PIBF1: variants seen among roughly 807,000 people sequenced by gnomAD.
PIBF1 encodes progesterone-induced-blocking factor 1.
In PIBF1, 90 loss-of-function variants were observed where a neutral mutation model predicts 112.5. That is an observed-to-expected ratio of 0.80 (90% CI 0.67 to 0.95). PIBF1 has a LOEUF of 0.95. PIBF1 is among the 40% of genes least tolerant of loss of function. PIBF1 has a pLI of 0.00. For missense variants in PIBF1, 915 were observed against 852.3 expected (o/e 1.07, Z -0.92); for synonymous variants, 301 against 288.6 (o/e 1.04, Z -0.44).
Position 72,923,942 on chromosome 13 carries a change from C to T in PIBF1, c.1730+6776C>T, listed in dbSNP as rs989128669. The stretch of plus-strand genomic sequence containing the variant: ...TCACGCCATTGCACTCCAGCTTGGG[C>T]GACAAGAGCGAAACTCTAACTCAAA... On this transcript the variant is annotated intron_variant, in intron 13 of 17. Coordinates refer to ENST00000326291, the MANE Select transcript of PIBF1 (RefSeq NM_006346.4). 7.8e-4 allele frequency among the ~76,000 whole-genome samples: 119 copies of T among 152,002 alleles called. 7 individuals carry two copies. The highest frequency in any genetic ancestry group is 3.9e-4 in the East Asian group (2 of 5,192).
At chr13:72,798,765 C>T (rs977575990) in intron 5 of PIBF1, among the ~76,000 whole-genome samples, 3 of 152,114 alleles carry the variant, frequency 2.0e-5, no homozygotes, top group African/African-American at 7.2e-5. Flanking sequence ...AAATGGGTGG[C>T]TGTTTTTCTT....
intron 12 of PIBF1, among the ~76,000 whole-genome samples, chr13:72,915,234 C>T (rs918184776): frequency 6.6e-6 from 1 of 152,108 alleles, no homozygotes; most frequent in Non-Finnish European, 1.5e-5. Flanking sequence ...TGCTTCTGCA[C>T]ATGGACTTCT....
chr13:72,865,404 A>C (rs1463267077), intron 10 of PIBF1, among the ~76,000 whole-genome samples: 3 of 152,132 alleles, frequency 2.0e-5, no homozygotes, highest in African/African-American at 7.2e-5. Context: ...TATATAGAGA[A>C]TTTTACATAG....
At chr13:72,996,524 A>G (rs2139020695) in intron 16 of PIBF1, among the ~76,000 whole-genome samples, 1 of 152,320 alleles carries the variant, frequency 6.6e-6, no homozygotes, top group Middle Eastern at 3.4e-3. Context: ...GCAGTGGCTC[A>G]TGCCTATAAT....
At chr13:72,794,471 G>A (rs1014536907) in intron 3 of PIBF1, among the ~76,000 whole-genome samples, 42 of 152,242 alleles carry the variant, frequency 2.8e-4, no homozygotes, top group African/African-American at 9.9e-4. Context: ...TCAGTAATAT[G>A]ATTTGGCTGT....
At chr13:72,798,135 T>C (rs1457179863) in intron 5 of PIBF1, 109 bp downstream of exon 5, 4 of 1,146,638 alleles carry the variant, frequency 3.5e-6, no homozygotes, top group Non-Finnish European at 4.8e-6. Flanking sequence ...AATGGGACTA[T>C]GGGATGGTGA....
chr13:72,864,578 G>A (rs1431590342), intron 10 of PIBF1, among the ~76,000 whole-genome samples: 1 of 152,096 alleles, frequency 6.6e-6, no homozygotes, highest in Admixed American at 6.6e-5. Flanking sequence ...TGTTCATACA[G>A]CTTTCTTTAT....
rs769466344 is a variant in PIBF1 at position 72,921,830 on chromosome 13, A to AATTTTAGAGG, written c.1730+4665_1730+4666insTTTTAGAGGA. Reference sequence around the variant, plus strand: ...ACCTTGATGTGTTTGTTCTTAAAGTAAATTACATAGTTAATTTTAGAGGAA... The same window carrying AATTTTAGAGG: ...ACCTTGATGTGTTTGTTCTTAAAGTAATTTTAGAGGAATTACATAGTTAATTTTAGAGGAA... On this transcript the variant is annotated intron_variant, in intron 13 of 17. Coordinates refer to ENST00000326291, the MANE Select transcript of PIBF1 (RefSeq NM_006346.4). Among the ~76,000 whole-genome samples the AATTTTAGAGG allele has an allele frequency of 8.6e-3, 1,313 of 152,322 alleles. 57 individuals are homozygous for AATTTTAGAGG. The highest frequency in any genetic ancestry group is 9.6e-3 in the East Asian group (50 of 5,184).
At chr13:72,799,348 T>A (rs2035353344) in intron 5 of PIBF1, among the ~76,000 whole-genome samples, 1 of 152,210 alleles carries the variant, frequency 6.6e-6, no homozygotes, top group African/African-American at 2.4e-5. Context: ...GCTGTACTAT[T>A]AGTCTTAGAG....
intron 15 of PIBF1, among the ~76,000 whole-genome samples, chr13:72,972,418 C>A (rs1478880778): frequency 6.6e-6 from 1 of 152,186 alleles, no homozygotes; most frequent in Non-Finnish European, 1.5e-5. Flanking sequence ...AATCCCAGCA[C>A]TTCGGGAGGC....
intron 15 of PIBF1, among the ~76,000 whole-genome samples, chr13:72,969,250 A>G (rs1422515794): frequency 6.6e-6 from 1 of 152,146 alleles, no homozygotes; most frequent in Non-Finnish European, 1.5e-5. Context: ...GAGAAATAAC[A>G]TTTCTCAAAA....
chr13:72,842,863 TTTTA>T (rs2037675299), intron 9 of PIBF1, among the ~76,000 whole-genome samples: 1 of 152,214 alleles, frequency 6.6e-6, no homozygotes, highest in South Asian at 2.1e-4. Context: ...TTAAATTAAT[TTTTA>T]TTATCAGTTA....
chr13:72,835,798 C>A (rs2037330008), intron 9 of PIBF1, among the ~76,000 whole-genome samples: 1 of 152,034 alleles, frequency 6.6e-6, no homozygotes, highest in Non-Finnish European at 1.5e-5. Flanking sequence ...ATTAGGTAAT[C>A]CTGAAGAAAT....
intron 14 of PIBF1, among the ~76,000 whole-genome samples, chr13:72,952,582 C>CG (rs2042329160): frequency 6.7e-6 from 1 of 148,662 alleles, no homozygotes; most frequent in Non-Finnish European, 1.5e-5. Context: ...TTGGGGTAGA[C>CG]TATTTTGTCT....
At chr13:72,818,678 CTTTTTTTT>C (rs3077726) in intron 5 of PIBF1, among the ~76,000 whole-genome samples, 4 of 80,392 alleles carry the variant, frequency 5.0e-5, no homozygotes, top group South Asian at 1.0e-3. Flanking sequence ...CAGTCTTAAA[CTTTTTTTT>C]TTTTTTTTTT....
chr13:72,826,897 C>A, intron 6 of PIBF1, 113 bp from the exon 7 acceptor site: 1 of 508,938 alleles, frequency 2.0e-6, no homozygotes. Flanking sequence ...TACACTGAAG[C>A]CCCATTGCTA....
chr13:72,980,567 GA>G, intron 16 of PIBF1, among the ~76,000 whole-genome samples: 1 of 152,306 alleles, frequency 6.6e-6, no homozygotes, highest in East Asian at 1.9e-4. Flanking sequence ...GGCTGAGGCA[GA>G]CAGATCACTT....
At chr13:72,795,311 A>G in intron 3 of PIBF1, 48 bp from the exon 4 acceptor site, 1 of 1,154,222 alleles carries the variant, frequency 8.7e-7, no homozygotes, top group Non-Finnish European at 1.3e-6. Flanking sequence ...AGAAAATTAG[A>G]TCTCAAATAC....
At chr13:72,883,076 G>T (rs2039707276) in intron 10 of PIBF1, among the ~76,000 whole-genome samples, 1 of 152,128 alleles carries the variant, frequency 6.6e-6, no homozygotes, top group Non-Finnish European at 1.5e-5. Context: ...CAAGACTTGG[G>T]AGCAACCCAA....
Sources: gnomAD v4.1 joint callset for allele counts (sites outside exome capture counted in the v4.1 genomes callset) on GRCh38, gnomAD v4.1.1 for gene constraint, MANE v1.5 for transcripts, NCBI Gene and HGNC (gene_info 2026-07-23, HGNC 2026-07-21) for gene names.